UNC80: variants seen among roughly 807,000 people sequenced by gnomAD.
UNC80 encodes protein unc-80 homolog.
Under a neutral mutation model 384.6 loss-of-function variants are expected in UNC80, and 164 were observed. The ratio of observed to expected loss-of-function variants is 0.43; its 90% CI spans 0.38 to 0.49. The LOEUF (loss-of-function observed/expected upper bound fraction) is 0.49, where lower values mean the gene tolerates loss of function less well. Among genes scored for constraint, UNC80 ranks in the 20% least tolerant of loss-of-function variants. The pLI, the probability that UNC80 is intolerant of heterozygous loss-of-function variation, is 0.00. For missense variants in UNC80, 3,330 were observed against 4,143.0 expected (o/e 0.80, Z 5.39); for synonymous variants, 1,486 against 1,527.8 (o/e 0.97, Z 0.64).
Position 209,842,570 on chromosome 2 carries a change from C to T in UNC80, c.3454+124C>T, listed in dbSNP as rs188639652. ...TCATTCATTTCTTTCTCATACATGC[C>T]TTTTACCACTGTCTATAGCTTCTGT... On this transcript the variant is annotated intron_variant, in intron 21 of 64. Transcript: ENST00000673920. 4 of 705,834 alleles carry T rather than the reference C, an allele frequency of 5.7e-6. No individual in the cohort carries two copies. In the African/African-American group the frequency reaches 7.2e-5, roughly 13 times the overall value. 43.7% of individuals were successfully genotyped at this position (705,834 alleles called of 1,614,324 possible).
intron 10 of UNC80, among the ~76,000 whole-genome samples, 177 bp downstream of exon 10, chr2:209,817,302 G>GAT (rs2079810900): frequency 6.6e-6 from 1 of 152,044 alleles, no homozygotes; most frequent in South Asian, 2.1e-4. Context: ...AATAAATCCA[G>GAT]ATAATTGACG....
At position 209,816,971 on chromosome 2, in the gene UNC80, G is replaced by T; in HGVS notation, c.1398G>T (p.Lys466Asn). The change falls in exon 10 of 65, where the codon AAG (lysine) becomes AAT (asparagine). Residue 466 changes from lysine (K) to asparagine (N), a missense_variant. Around this residue, in one of 8 missense-constraint regions of UNC80, gnomAD observed 937 missense variants for 1,026.8 expected, o/e 0.91. Transcript: ENST00000673920. ...KGSIPFHHTG[K>N]RRPRRMGVPF... The stretch of plus-strand genomic sequence containing the variant: ...CCATTCCATTCCACCACACAGGCAA[G>T]AGGAGGCCACGGAGAATGGGAGTGC... The T allele has an allele frequency of 6.4e-7, 1 of 1,551,732 alleles. No individual in the cohort carries two copies. Among genetic ancestry groups the T allele is most frequent in the South Asian group, 1.2e-5 (1 of 84,064 alleles).
chr2:209,991,731 T>C (rs1302005603), intron 61 of UNC80, among the ~76,000 whole-genome samples: 1 of 152,240 alleles, frequency 6.6e-6, no homozygotes, highest in East Asian at 1.9e-4. Flanking sequence ...ATGTGTTCGA[T>C]ATTTGTCCAT....
chr2:209,813,473 A>C, intron 7 of UNC80, 107 bp from the exon 8 acceptor site: 1 of 1,222,798 alleles, frequency 8.2e-7, no homozygotes, highest in Non-Finnish European at 1.1e-6. Context: ...AGAAACAAGT[A>C]AATGAATAAC....
intron 11 of UNC80, among the ~76,000 whole-genome samples, chr2:209,818,336 A>T (rs750116948): frequency 1.0e-4 from 15 of 144,520 alleles, no homozygotes; most frequent in African/African-American, 3.8e-4. Flanking sequence ...AAGGCCACCA[A>T]TTTTTTTTTT....
intron 47 of UNC80, among the ~76,000 whole-genome samples, chr2:209,946,658 C>T (rs75360615): frequency 0.023 from 3,552 of 152,160 alleles, 134 homozygotes; most frequent in African/African-American, 0.081. Context: ...TCAATCTTGC[C>T]TTCATTTTGC....
intron 7 of UNC80, among the ~76,000 whole-genome samples, chr2:209,812,474 A>C (rs1166317360): frequency 6.6e-6 from 1 of 152,008 alleles, no homozygotes; most frequent in Non-Finnish European, 1.5e-5. Flanking sequence ...GAGCCTAAGA[A>C]GTTTAGGAAA....
chr2:209,896,648 C>T (rs988974118), intron 28 of UNC80, among the ~76,000 whole-genome samples: 15 of 152,166 alleles, frequency 9.9e-5, no homozygotes, highest in Non-Finnish European at 1.9e-4. Flanking sequence ...GGCTGGCTTG[C>T]AGGTCACCAT....
chr2:209,941,831 T>C (rs1024493902), intron 44 of UNC80, among the ~76,000 whole-genome samples: 20 of 152,188 alleles, frequency 1.3e-4, no homozygotes, highest in Non-Finnish European at 1.9e-4. Flanking sequence ...GCCAGCACTT[T>C]GGGAGGCCAA....
At position 209,842,138 on chromosome 2, in the gene UNC80, C is replaced by T. The variant is rs368660188; in HGVS notation, c.3358-212C>T. On this transcript the variant is annotated intron_variant, in intron 20 of 64. Transcript: ENST00000673920. ...GATTATTTAGCTTTTAATCTGGGAC[C>T]TGGTTCCTCCTTTTAGTTACAGTGA... Among the ~76,000 whole-genome samples, 19 of 152,292 alleles carry T rather than the reference C, an allele frequency of 1.2e-4. No homozygotes were observed. In the East Asian group the frequency reaches 3.3e-3, roughly 26 times the overall value.
chr2:209,930,027 A>G, intron 37 of UNC80, 56 bp downstream of exon 37: 3 of 1,233,316 alleles, frequency 2.4e-6, no homozygotes, highest in Non-Finnish European at 3.3e-6. Context: ...GAACACTGTT[A>G]AAATCATGCA....
rs111359580 is a variant in UNC80 at position 209,831,368 on chromosome 2, C to T, written c.2627-75C>T. The T allele has an allele frequency of 2.3e-4, 334 of 1,421,926 alleles. 1 individual carries two copies. In the African/African-American group the frequency reaches 4.2e-3, roughly 18 times the overall value. The allele number at this position is 1,421,926 out of a possible 1,614,324, so 88.1% of individuals were successfully genotyped here. On this transcript the variant is annotated intron_variant, in intron 15 of 64. Coordinates refer to ENST00000673920, the MANE Select transcript of UNC80 (RefSeq NM_001371986.1). ...TAGCACTTCACTAATTCCTGGGTGCCAAGTACTGCCTTACTCCTACCCATT... is the reference window on the plus strand; with the variant it reads ...TAGCACTTCACTAATTCCTGGGTGCTAAGTACTGCCTTACTCCTACCCATT...
chr2:209,831,434 G>A lies in UNC80; in HGVS notation c.2627-9G>A, dbSNP rs775663063. ...AACATTGTCTTTAATTTGTGCCTTT[G>A]CATTCCAGACAAGGCTGGGTTTGGA... is the stretch of plus-strand genomic sequence containing the variant. On this transcript the variant is annotated splice_polypyrimidine_tract_variant and intron_variant, in intron 15 of 64. Transcript: ENST00000673920. 4.1e-5 allele frequency: 64 copies of A among 1,544,200 alleles called. No individual in the cohort carries two copies. Among genetic ancestry groups the A allele is most frequent in the Non-Finnish European group, 5.6e-5 (64 of 1,143,702 alleles).
chr2:209,896,825 T>A (rs2086845287), intron 28 of UNC80, among the ~76,000 whole-genome samples: 1 of 152,036 alleles, frequency 6.6e-6, no homozygotes, highest in Non-Finnish European at 1.5e-5. Flanking sequence ...GCAAGGACAC[T>A]CTAAGATGGT....
At chr2:209,880,898 A>G in intron 24 of UNC80, 63 bp from the exon 25 acceptor site, 1 of 1,489,372 alleles carries the variant, frequency 6.7e-7, no homozygotes, top group Non-Finnish European at 9.1e-7. Flanking sequence ...TGTCCATCAA[A>G]CTATGCATTT....
At chr2:209,837,969 C>T (rs1210956148) in intron 18 of UNC80, among the ~76,000 whole-genome samples, 6 of 152,108 alleles carry the variant, frequency 3.9e-5, no homozygotes, top group South Asian at 2.1e-4. Flanking sequence ...GACGGGGTTT[C>T]GCCGTGTTAG....
intron 36 of UNC80, among the ~76,000 whole-genome samples, chr2:209,929,219 A>C (rs749079935): frequency 2.6e-5 from 4 of 152,244 alleles, no homozygotes; most frequent in Non-Finnish European, 5.9e-5. Flanking sequence ...AAGACCATTC[A>C]GTGCTTACTG....
chr2:209,981,820 A>G (rs1368950591), intron 59 of UNC80, among the ~76,000 whole-genome samples: 2 of 152,260 alleles, frequency 1.3e-5, no homozygotes, highest in African/African-American at 4.8e-5. Flanking sequence ...TCATTCAATA[A>G]CAAAGTCTCC....
At chr2:209,783,016 G>T (rs2077234433) in intron 4 of UNC80, among the ~76,000 whole-genome samples, 1 of 151,908 alleles carries the variant, frequency 6.6e-6, no homozygotes, top group Admixed American at 6.6e-5. Context: ...CCCTTCAGGG[G>T]ATTTTAACCA....
Sources: allele counts gnomAD v4.1 joint callset (sites outside exome capture counted in the v4.1 genomes callset), GRCh38; gene constraint gnomAD v4.1.1; regional missense constraint gnomAD v4.1.1; transcripts MANE v1.5; gene names NCBI Gene and HGNC (gene_info 2026-07-23, HGNC 2026-07-21).